Variants in CFAP97D2 observed in about 807,000 individuals in gnomAD.
The protein encoded by CFAP97D2 is uncharacterized protein CFAP97D2.
At position 114,222,438 on chromosome 13, in the gene CFAP97D2, T is replaced by C; in HGVS notation, c.481-60T>C. 2.5e-6 allele frequency: 1 copy of C among 398,588 alleles called. No individual in the cohort carries two copies. Among genetic ancestry groups the C allele is most frequent in the African/African-American group, 2.1e-5 (1 of 48,766 alleles). 24.7% of individuals were successfully genotyped at this position (398,588 alleles called of 1,614,324 possible). ...GAAATATTCCATTTCCCAAGTAAGT[T>C]GATAGTTTCTTGTTCTTGCCTAAGA... is the stretch of plus-strand genomic sequence containing the variant. On this transcript the variant is annotated intron_variant, in intron 4 of 4. Coordinates refer to ENST00000646158, the Ensembl canonical transcript of CFAP97D2. The surrounding 1 kb of genome is among the most constrained non-coding windows in gnomAD (Gnocchi z 4.4).
chr13:114,209,499 G>T (rs12429881), intron 3 of CFAP97D2, among the ~76,000 whole-genome samples: 2 of 152,184 alleles, frequency 1.3e-5, no homozygotes, highest in Non-Finnish European at 2.9e-5. Context: ...TAGAGTGTTC[G>T]TGTAGGCCTA....
intron 1 of CFAP97D2, among the ~76,000 whole-genome samples, chr13:114,192,389 C>G (rs2080872978): frequency 6.6e-6 from 1 of 152,078 alleles, no homozygotes; most frequent in Non-Finnish European, 1.5e-5. Flanking sequence ...CCTAAAAGTT[C>G]TCTTTAAAAA....
intron 1 of CFAP97D2, among the ~76,000 whole-genome samples, chr13:114,184,073 C>T (rs2080846665): frequency 6.6e-6 from 1 of 152,156 alleles, no homozygotes; most frequent in South Asian, 2.1e-4. Flanking sequence ...ATCACTTGAG[C>T]CCAGGAGTTT....
intron 4 of CFAP97D2, among the ~76,000 whole-genome samples, chr13:114,214,838 A>G (rs1007112292): frequency 6.6e-6 from 1 of 152,238 alleles, no homozygotes; most frequent in Non-Finnish European, 1.5e-5. Context: ...TATCATACAA[A>G]TAGTTTCATT....
rs530854337 is a variant in CFAP97D2, at chr13:114,203,424, G to C, written c.290+2981G>C. ...ACAAAAATTGAAGATCTAAATAAAT[G>C]GAAAAATATCCCACGTGTATGGATT... On this transcript the variant is annotated intron_variant, in intron 3 of 4. Transcript: ENST00000646158. This position sits in a 1 kb window ranked among gnomAD's most constrained non-coding sequence, Gnocchi z 4.3. Among the ~76,000 whole-genome samples, 5 of 152,218 alleles carry C rather than the reference G, an allele frequency of 3.3e-5. No homozygotes were observed. In the South Asian group the frequency reaches 1.0e-3, roughly 32 times the overall value.
intron 3 of CFAP97D2, among the ~76,000 whole-genome samples, chr13:114,210,884 A>ACACACT (rs1454343968): frequency 1.3e-5 from 2 of 151,828 alleles, no homozygotes; most frequent in Non-Finnish European, 2.9e-5. Flanking sequence ...ACACACACAC[A>ACACACT]CACACACTTT....
At chr13:114,188,145 A>G (rs904673578) in intron 1 of CFAP97D2, among the ~76,000 whole-genome samples, 1 of 151,884 alleles carries the variant, frequency 6.6e-6, no homozygotes, top group Non-Finnish European at 1.5e-5. Context: ...TTAACCAGGC[A>G]TGGTAGTGCA....
chr13:114,209,465 C>G (rs1594520662), intron 3 of CFAP97D2, among the ~76,000 whole-genome samples: 1 of 152,224 alleles, frequency 6.6e-6, no homozygotes, highest in African/African-American at 2.4e-5. Context: ...CTCAGGGGCC[C>G]TTCCTGGTAT....
upstream of CFAP97D2, chr13:114,179,310 C>T (rs118122842): frequency 0.01 from 4,129 of 398,732 alleles, 205 homozygotes; most frequent in Admixed American, 0.094. The surrounding 1 kb of genome is among the most constrained non-coding windows in gnomAD (Gnocchi z 4.8). Flanking sequence ...CTGGAATGAG[C>T]AAGACGATTT....
At chr13:114,183,625 A>G (rs967963620) in intron 1 of CFAP97D2, among the ~76,000 whole-genome samples, 6 of 152,274 alleles carry the variant, frequency 3.9e-5, no homozygotes, top group African/African-American at 1.4e-4. Flanking sequence ...GAAAGGAACA[A>G]AAGGGATGAA....
chr13:114,208,255 G>T (rs1017948187), intron 3 of CFAP97D2, among the ~76,000 whole-genome samples: 2 of 152,314 alleles, frequency 1.3e-5, no homozygotes, highest in East Asian at 1.9e-4. Context: ...ATAAAAGTCA[G>T]CCAATATCGT....
chr13:114,192,043 A>G (rs1360608288), intron 1 of CFAP97D2, among the ~76,000 whole-genome samples: 1 of 130,556 alleles, frequency 7.7e-6, no homozygotes, highest in Non-Finnish European at 1.6e-5. Context: ...TACTATGGAG[A>G]CAGTAAAAAG....
intron 2 of CFAP97D2, among the ~76,000 whole-genome samples, chr13:114,199,057 CTGAGG>C (rs2080903210): frequency 1.4e-5 from 1 of 70,916 alleles, no homozygotes; most frequent in Non-Finnish European, 2.5e-5. Flanking sequence ...ACGGTCCCCG[CTGAGG>C]CGTGACGGCG....
chr13:114,206,585 A>G (rs540555470), intron 3 of CFAP97D2, among the ~76,000 whole-genome samples: 57 of 152,340 alleles, frequency 3.7e-4, no homozygotes, highest in Admixed American at 5.9e-4. Flanking sequence ...AAAAGACCAC[A>G]TATTAGACGA....
intron 1 of CFAP97D2, among the ~76,000 whole-genome samples, chr13:114,181,418 C>T (rs116889516): frequency 0.012 from 1,763 of 152,146 alleles, 95 homozygotes; most frequent in Admixed American, 0.081. Flanking sequence ...CTGGCAGAGC[C>T]GTCCCACGGG....
Position 114,200,606 on chromosome 13 carries a change from G to A in CFAP97D2, c.290+163G>A, listed in dbSNP as rs566330474. Among the ~76,000 whole-genome samples, 11 of 152,334 alleles carry A rather than the reference G, an allele frequency of 7.2e-5. No individual in the cohort carries two copies. In the South Asian group the frequency reaches 2.3e-3, roughly 32 times the overall value. ...CTGAGGAGTGCCCTTTTCCTTGGCG[G>A]ATTGTGATTCCAAGTTTTACTTGAG... On this transcript the variant is annotated intron_variant, in intron 3 of 4. Transcript: ENST00000646158.
intron 1 of CFAP97D2, among the ~76,000 whole-genome samples, chr13:114,188,633 C>T (rs1016801438): frequency 1.3e-5 from 2 of 151,626 alleles, no homozygotes; most frequent in African/African-American, 2.4e-5. Context: ...AAAAATTAGA[C>T]GGGTGTGGTG....
In CFAP97D2 at chr13:114,210,719, T is replaced by C. The variant is rs115005592; in HGVS notation, c.291-1193T>C. The stretch of plus-strand genomic sequence containing the variant: ...CCTGAGCACCAGCCTACCAGATGGT[T>C]CCACCCAAATGTTCCACCCCAGCTC... On this transcript the variant is annotated intron_variant, in intron 3 of 4. Transcript: ENST00000646158. Among the ~76,000 whole-genome samples, 509 of 152,170 alleles carry C rather than the reference T, an allele frequency of 3.3e-3. 3 individuals are homozygous for C. The highest frequency in any genetic ancestry group is 0.012 in the African/African-American group (482 of 41,510).
At chr13:114,183,271 A>G (rs2080843540) in intron 1 of CFAP97D2, among the ~76,000 whole-genome samples, 1 of 152,064 alleles carries the variant, frequency 6.6e-6, no homozygotes, top group Non-Finnish European at 1.5e-5. Flanking sequence ...GGTTCCAGCG[A>G]TTCTCCTGCC....
Sources: allele counts gnomAD v4.1 joint callset (sites outside exome capture counted in the v4.1 genomes callset), GRCh38; gene constraint gnomAD v4.1.1; non-coding constraint Gnocchi (gnomAD v3.1); transcripts MANE v1.5; gene names NCBI Gene and HGNC (gene_info 2026-07-23, HGNC 2026-07-21).